Variants in RFX2 observed in about 807,000 individuals in gnomAD.
The protein encoded by RFX2 is DNA-binding protein RFX2.
RFX2 carries 20 observed loss-of-function variants against 87.8 expected under a neutral mutation model. The ratio of observed to expected loss-of-function variants is 0.23; its 90% CI spans 0.16 to 0.33. RFX2 has a LOEUF of 0.33. RFX2 is among the 10% of genes least tolerant of loss of function. The pLI, the probability that RFX2 is intolerant of heterozygous loss-of-function variation, is 1.00. For synonymous variants in RFX2, 397 were observed against 431.3 expected, an observed-to-expected ratio of 0.92 and a Z score of 0.98; for missense variants, 767 against 1,012.3, an observed-to-expected ratio of 0.76 and a Z score of 3.29.
At chr19:6,079,809 C>G (rs951874449) in intron 1 of RFX2, among the ~76,000 whole-genome samples, 1 of 150,860 alleles carries the variant, frequency 6.6e-6, no homozygotes, top group African/African-American at 2.4e-5. Context: ...TCACTTGAAC[C>G]AGGGAGCCGG....
chr19:6,104,586 T>G (rs1018502894), intron 1 of RFX2, among the ~76,000 whole-genome samples: 1 of 149,494 alleles, frequency 6.7e-6, no homozygotes, highest in African/African-American at 2.5e-5. Flanking sequence ...AAAAAAAAAT[T>G]TTTAAGGGCA....
intron 6 of RFX2, among the ~76,000 whole-genome samples, chr19:6,019,235 C>T (rs1257705279): frequency 3.3e-5 from 5 of 152,228 alleles, no homozygotes; most frequent in East Asian, 1.9e-4. Flanking sequence ...GAGAAGGGCC[C>T]GGAGTGGAGA....
At position 6,061,140 on chromosome 19, in the gene RFX2, C is replaced by T. The variant is rs961958800; in HGVS notation, c.-8-13636G>A. ...ACCATCTCTGCCTCCCCCTTCCTTCCGCTCCTGCTGCTACTATTTCAGTGA... is the reference window on the plus strand; with the variant it reads ...ACCATCTCTGCCTCCCCCTTCCTTCTGCTCCTGCTGCTACTATTTCAGTGA... On this transcript the variant is annotated intron_variant, in intron 1 of 17. Transcript: ENST00000303657. The surrounding 1 kb of genome is among the most constrained non-coding windows in gnomAD (Gnocchi z 5.2). 3.9e-5 allele frequency among the ~76,000 whole-genome samples: 6 copies of T among 152,136 alleles called. No homozygotes were observed. Among genetic ancestry groups the T allele is most frequent in the Non-Finnish European group, 5.9e-5 (4 of 68,018 alleles).
At position 6,020,859 on chromosome 19, in the gene RFX2, C is replaced by T. The variant is rs959997239; in HGVS notation, c.598-4588G>A. ...TTCCAAGGAAATGTACATGTGTACC[C>T]ACATTTGCCACAATCTGTCAGGACA... On this transcript the variant is annotated intron_variant, in intron 6 of 17. Transcript: ENST00000303657. This position sits in a 1 kb window ranked among gnomAD's most constrained non-coding sequence, Gnocchi z 5.3. Among the ~76,000 whole-genome samples the T allele has an allele frequency of 6.6e-6, 1 of 152,198 alleles. No individual in the cohort carries two copies. Among genetic ancestry groups the T allele is most frequent in the Non-Finnish European group, 1.5e-5 (1 of 68,034 alleles).
rs73923450 is a variant in RFX2, at chr19:6,109,821, C to A, written c.-9+572G>T. On this transcript the variant is annotated intron_variant, in intron 1 of 17. Coordinates refer to ENST00000303657, the MANE Select transcript of RFX2 (RefSeq NM_000635.4). ...GTGAGGAGAGGGTCCCCAAGCGCCC[C>A]CAATTCAGAGAATTCGAGGGTTTGA... Among the ~76,000 whole-genome samples the A allele has an allele frequency of 2.0e-3, 304 of 152,012 alleles. 1 individual carries two copies. The highest frequency in any genetic ancestry group is 7.3e-3 in the African/African-American group (301 of 41,438).
intron 7 of RFX2, among the ~76,000 whole-genome samples, chr19:6,015,378 G>A (rs777250551): frequency 2.6e-5 from 4 of 151,986 alleles, no homozygotes; most frequent in Non-Finnish European, 4.4e-5. Context: ...GCAGTGAGCC[G>A]AGATGACGCC....
chr19:6,058,613 T>C (rs1429162453), intron 1 of RFX2, among the ~76,000 whole-genome samples: 1 of 151,438 alleles, frequency 6.6e-6, no homozygotes, highest in African/African-American at 2.4e-5. Flanking sequence ...TTTTTTTTTC[T>C]CCTCTTGTAG....
At chr19:6,086,524 G>A (rs2087858079) in intron 1 of RFX2, among the ~76,000 whole-genome samples, 1 of 152,200 alleles carries the variant, frequency 6.6e-6, no homozygotes, top group Non-Finnish European at 1.5e-5. Flanking sequence ...ATAATCTTAT[G>A]GGATCACTTG....
chr19:6,044,307 A>C lies in RFX2; in HGVS notation c.91-25T>G. 2 of 1,451,102 alleles carry C rather than the reference A, an allele frequency of 1.4e-6. No homozygotes were observed. The highest frequency in any genetic ancestry group is 1.8e-4 in the Middle Eastern group (1 of 5,646). 89.9% of individuals were successfully genotyped at this position (1,451,102 alleles called of 1,614,324 possible). A position where few individuals can be genotyped will look rare whatever the true frequency, so the allele number is the denominator to read the frequency against. On this transcript the variant is annotated intron_variant, in intron 2 of 17. Transcript: ENST00000303657. This position sits in a 1 kb window ranked among gnomAD's most constrained non-coding sequence, Gnocchi z 5.3. Reference sequence around the variant, plus strand: ...TCTAAAAGGGAAGGGAGAGAAGGCCAGTTAGACTTGTCAGAGGTCAGTGCT... The same window carrying C: ...TCTAAAAGGGAAGGGAGAGAAGGCCCGTTAGACTTGTCAGAGGTCAGTGCT...
At chr19:6,038,728 C>CATCATTAGA (rs1390921614) in intron 5 of RFX2, among the ~76,000 whole-genome samples, 23 of 152,274 alleles carry the variant, frequency 1.5e-4, no homozygotes, top group African/African-American at 5.3e-4. Flanking sequence ...AAGCTGCTAC[C>CATCATTAGA]ATCATTAGCT....
At chr19:5,995,940 G>A (rs1292442295) in intron 16 of RFX2, among the ~76,000 whole-genome samples, 1 of 152,246 alleles carries the variant, frequency 6.6e-6, no homozygotes, top group East Asian at 1.9e-4. Context: ...GGGTTTTAAG[G>A]TGGCATGGAA....
rs1207363515 is a variant in RFX2, at chr19:6,040,592, C to G, written c.261-351G>C. 6.6e-6 allele frequency among the ~76,000 whole-genome samples: 1 copy of G among 152,006 alleles called. No homozygotes were observed. Among genetic ancestry groups the G allele is most frequent in the African/African-American group, 2.4e-5 (1 of 41,392 alleles). On this transcript the variant is annotated intron_variant, in intron 4 of 17. Transcript: ENST00000303657. This position sits in a 1 kb window ranked among gnomAD's most constrained non-coding sequence, Gnocchi z 6.1. ...CTGGGCAACATAGAGAGAACCATCT[C>G]TACAAAAAATAAAAGATTTAGCCAG...
At position 6,002,629 on chromosome 19, in the gene RFX2, C is replaced by T; in HGVS notation, c.1650+92G>A. On this transcript the variant is annotated intron_variant, in intron 14 of 17. Coordinates refer to ENST00000303657, the MANE Select transcript of RFX2 (RefSeq NM_000635.4). This position sits in a 1 kb window ranked among gnomAD's most constrained non-coding sequence, Gnocchi z 6.7. ...ACCGTGGCCAGGCTCGGGGCAGGGG[C>T]CAGGTTGTGCCACGGGCTCCACTTG... 2.0e-6 allele frequency: 3 copies of T among 1,506,602 alleles called. No individual in the cohort carries two copies. The highest frequency in any genetic ancestry group is 1.2e-5 in the South Asian group (1 of 82,686). 93.3% of individuals were successfully genotyped at this position (1,506,602 alleles called of 1,614,324 possible).
chr19:6,048,439 C>A (rs1332277939), intron 1 of RFX2, among the ~76,000 whole-genome samples: 1 of 152,190 alleles, frequency 6.6e-6, no homozygotes, highest in Non-Finnish European at 1.5e-5. Context: ...AATAAACAAT[C>A]GGCTATGTTG....
intron 1 of RFX2, among the ~76,000 whole-genome samples, chr19:6,107,840 T>C (rs2088243904): frequency 6.6e-6 from 1 of 152,146 alleles, no homozygotes; most frequent in South Asian, 2.1e-4. Flanking sequence ...TAAACAATGT[T>C]AAAAGATGAG....
At chr19:6,103,912 A>C (rs1238017301) in intron 1 of RFX2, among the ~76,000 whole-genome samples, 1 of 152,174 alleles carries the variant, frequency 6.6e-6, no homozygotes, top group Non-Finnish European at 1.5e-5. Flanking sequence ...TATTTGCTTC[A>C]TCCTAATAAT....
Position 6,045,139 on chromosome 19 carries a change from G to T in RFX2, c.91-857C>A, listed in dbSNP as rs1485368576. On this transcript the variant is annotated intron_variant, in intron 2 of 17. Coordinates refer to ENST00000303657, the MANE Select transcript of RFX2 (RefSeq NM_000635.4). This position sits in a 1 kb window ranked among gnomAD's most constrained non-coding sequence, Gnocchi z 5.2. ...GACTGCCATATATACATCACGAGGG[G>T]TGATGGGTGAGGACACGCCATCCCC... 6.6e-6 allele frequency among the ~76,000 whole-genome samples: 1 copy of T among 152,200 alleles called. No individual in the cohort carries two copies. The highest frequency in any genetic ancestry group is 6.5e-5 in the Admixed American group (1 of 15,278).
intron 1 of RFX2, among the ~76,000 whole-genome samples, chr19:6,082,709 A>G (rs1033659275): frequency 6.6e-6 from 1 of 152,158 alleles, no homozygotes; most frequent in Non-Finnish European, 1.5e-5. Context: ...TTGGGATTAC[A>G]GGTGTTAGCC....
Position 6,016,029 on chromosome 19 carries a change from A to G in RFX2, c.779+61T>C. ...GAGGAGGAAGCCTCGCATTTTCCCA[A>G]AAGCTCCATTTCTTGGGAAAGGAAG... On this transcript the variant is annotated intron_variant, in intron 7 of 17. Transcript: ENST00000303657. The surrounding 1 kb of genome is among the most constrained non-coding windows in gnomAD (Gnocchi z 5.4). 6.7e-7 allele frequency: 1 copy of G among 1,485,600 alleles called. No homozygotes were observed. The highest frequency in any genetic ancestry group is 1.3e-5 in the South Asian group (1 of 74,366). 92.0% of individuals were successfully genotyped at this position (1,485,600 alleles called of 1,614,324 possible). A position where few individuals can be genotyped will look rare whatever the true frequency, so the allele number is the denominator to read the frequency against.
Sources: allele counts gnomAD v4.1 joint callset (sites outside exome capture counted in the v4.1 genomes callset), GRCh38; gene constraint gnomAD v4.1.1; non-coding constraint Gnocchi (gnomAD v3.1); transcripts MANE v1.5; gene names NCBI Gene and HGNC (gene_info 2026-07-23, HGNC 2026-07-21).